PTK7: variants seen among roughly 807,000 people sequenced by gnomAD.
PTK7 encodes the protein inactive tyrosine-protein kinase 7.
In PTK7, 39 loss-of-function variants were observed where a neutral mutation model predicts 116.6. That is an observed-to-expected ratio of 0.33 (90% CI 0.26 to 0.44). The LOEUF (loss-of-function observed/expected upper bound fraction) is 0.44, where lower values mean the gene tolerates loss of function less well. PTK7 is among the 20% of genes least tolerant of loss of function. The probability of loss-of-function intolerance (pLI) is 1.00; values close to 1 mark genes in which losing one functional copy is unlikely to be tolerated. For missense variants in PTK7, 1,169 were observed against 1,425.6 expected, an observed-to-expected ratio of 0.82 and a Z score of 2.90; for synonymous variants, 546 against 563.6, an observed-to-expected ratio of 0.97 and a Z score of 0.44.
At chr6:43,085,887 T>G (rs146004334) in intron 1 of PTK7, among the ~76,000 whole-genome samples, 1 of 148,232 alleles carries the variant, frequency 6.7e-6, no homozygotes, top group Non-Finnish European at 1.5e-5. Flanking sequence ...GAGCTGAGAT[T>G]GCGCCACTGC....
intron 1 of PTK7, among the ~76,000 whole-genome samples, chr6:43,090,766 T>C (rs905765411): frequency 5.9e-5 from 9 of 152,192 alleles, no homozygotes; most frequent in Non-Finnish European, 1.3e-4. Context: ...AATCCTTCCT[T>C]CTTCTACTCC....
At chr6:43,133,023 G>C (rs1472883380) in intron 7 of PTK7, 1 of 463,868 alleles carries the variant, frequency 2.2e-6, no homozygotes, top group Admixed American at 3.7e-5. Flanking sequence ...ACCTTACTGG[G>C]GTTCAGTCTC....
intron 1 of PTK7, among the ~76,000 whole-genome samples, chr6:43,122,090 C>T (rs954722645): frequency 6.6e-6 from 1 of 152,138 alleles, no homozygotes; most frequent in East Asian, 1.9e-4. Flanking sequence ...TGCAGTGAGC[C>T]GTGCTTGCAT....
intron 1 of PTK7, among the ~76,000 whole-genome samples, chr6:43,091,316 A>G (rs1450990129): frequency 6.6e-6 from 1 of 151,846 alleles, no homozygotes; most frequent in East Asian, 1.9e-4. Flanking sequence ...CCACACCACC[A>G]TGGCTGGCTA....
At chr6:43,089,649 A>T (rs1366704940) in intron 1 of PTK7, among the ~76,000 whole-genome samples, 2 of 152,216 alleles carry the variant, frequency 1.3e-5, no homozygotes, top group Non-Finnish European at 2.9e-5. Context: ...ATGCCCAGCT[A>T]CGCAGCAGCT....
intron 1 of PTK7, among the ~76,000 whole-genome samples, chr6:43,092,549 C>T (rs1415885061): frequency 1.3e-5 from 2 of 152,050 alleles, no homozygotes; most frequent in Non-Finnish European, 2.9e-5. Flanking sequence ...TTTTAGGCAT[C>T]CACTGGGGGG....
At chr6:43,150,617 G>A (rs1230902551) in intron 17 of PTK7, among the ~76,000 whole-genome samples, 3 of 151,950 alleles carry the variant, frequency 2.0e-5, no homozygotes, top group Non-Finnish European at 4.4e-5. Flanking sequence ...TTTGCCTGCC[G>A]CTTACAGAGA....
chr6:43,084,242 C>T (rs933876691), intron 1 of PTK7, among the ~76,000 whole-genome samples: 7 of 152,140 alleles, frequency 4.6e-5, no homozygotes, highest in African/African-American at 1.7e-4. Context: ...GTGATTCTCC[C>T]GCCTCCGCCT....
intron 1 of PTK7, among the ~76,000 whole-genome samples, chr6:43,114,827 G>A (rs1407006299): frequency 6.6e-6 from 1 of 152,016 alleles, no homozygotes; most frequent in Non-Finnish European, 1.5e-5. Context: ...ATTGCCTGAG[G>A]TCAGGAGTTC....
At chr6:43,111,834 A>ATTC (rs1768208147) in intron 1 of PTK7, among the ~76,000 whole-genome samples, 1 of 129,794 alleles carries the variant, frequency 7.7e-6, no homozygotes, top group African/African-American at 3.0e-5. Flanking sequence ...TGCCCAGCTA[A>ATTC]TTCTTTTTTT....
chr6:43,142,328 A>G (rs1321478868), intron 13 of PTK7, 29 bp downstream of exon 13: 6 of 1,613,570 alleles, frequency 3.7e-6, no homozygotes, highest in East Asian at 2.2e-5. Flanking sequence ...TATGCTGCAC[A>G]GGAAGTGGTG....
intron 19 of PTK7, 130 bp downstream of exon 19, chr6:43,160,096 C>G: frequency 1.0e-6 from 1 of 961,718 alleles, no homozygotes; most frequent in Non-Finnish European, 1.5e-6. Flanking sequence ...TACAACCACT[C>G]TGGTTGTTAA....
At chr6:43,153,005 C>T (rs368526292) in intron 17 of PTK7, among the ~76,000 whole-genome samples, 19 of 151,950 alleles carry the variant, frequency 1.3e-4, no homozygotes, top group African/African-American at 4.1e-4. Context: ...AGGCTGGTCT[C>T]GAACTCCTGA....
chr6:43,149,107 C>T (rs1770914777), intron 17 of PTK7, among the ~76,000 whole-genome samples: 1 of 146,256 alleles, frequency 6.8e-6, no homozygotes, highest in Non-Finnish European at 1.5e-5. Context: ...CACAGTGGCT[C>T]ATACCTGAAA....
chr6:43,133,055 G>A (rs1157950936), intron 7 of PTK7: 4 of 431,904 alleles, frequency 9.3e-6, no homozygotes, highest in Non-Finnish European at 1.6e-5. Context: ...AATGGAGCCA[G>A]TAATCTACTA....
chr6:43,135,264 G>A (rs1339937645), intron 7 of PTK7, among the ~76,000 whole-genome samples: 1 of 152,176 alleles, frequency 6.6e-6, no homozygotes, highest in African/African-American at 2.4e-5. Context: ...GTGTTAGAGG[G>A]TAGAGCCCAG....
chr6:43,112,286 A>ATTTATTTG (rs1768236155), intron 1 of PTK7, among the ~76,000 whole-genome samples: 1 of 149,956 alleles, frequency 6.7e-6, no homozygotes, highest in Non-Finnish European at 1.5e-5. Flanking sequence ...TTATTTATTT[A>ATTTATTTG]GAGACGTAGT....
intron 12 of PTK7, 42 bp from the exon 13 acceptor site, chr6:43,142,130 C>G (rs774540557): frequency 6.2e-7 from 1 of 1,611,888 alleles, no homozygotes; most frequent in African/African-American, 1.3e-5. Flanking sequence ...TGCAGCCCCC[C>G]TCCCTGCGAG....
intron 1 of PTK7, among the ~76,000 whole-genome samples, chr6:43,080,251 C>G (rs1372280361): frequency 6.6e-6 from 1 of 151,910 alleles, no homozygotes; most frequent in East Asian, 1.9e-4. Context: ...ACTTGGGAGG[C>G]TGAGGCAGGA....
Sources: gnomAD v4.1 joint callset for allele counts (sites outside exome capture counted in the v4.1 genomes callset) on GRCh38, gnomAD v4.1.1 for gene constraint, MANE v1.5 for transcripts, NCBI Gene and HGNC (gene_info 2026-07-23, HGNC 2026-07-21) for gene names.